The following MTCH2 variants were observed in gnomAD, a reference collection of about 807,000 sequenced individuals.
MTCH2 encodes mitochondrial carrier 2.
In MTCH2, 25 loss-of-function variants were observed where a neutral mutation model predicts 50.6. The observed-to-expected ratio is 0.49, with a 90% CI of 0.36 to 0.69. The LOEUF is 0.69. Among genes scored for constraint, MTCH2 ranks in the 30% least tolerant of loss-of-function variants. The pLI, the probability that MTCH2 is intolerant of heterozygous loss-of-function variation, is 0.00. For synonymous variants in MTCH2, 106 were observed against 132.0 expected, an observed-to-expected ratio of 0.80 and a Z score of 1.35; for missense variants, 273 against 384.4, an observed-to-expected ratio of 0.71 and a Z score of 2.42.
intron 11 of MTCH2, among the ~76,000 whole-genome samples, chr11:47,622,983 T>TAAAC (rs1221070804): frequency 1.3e-5 from 2 of 152,174 alleles, no homozygotes; most frequent in Non-Finnish European, 2.9e-5. Flanking sequence ...AATAAATAAA[T>TAAAC]AAACATAAAC....
intron 11 of MTCH2, among the ~76,000 whole-genome samples, chr11:47,623,375 T>A (rs865924619): frequency 0.036 from 4,366 of 122,442 alleles, 223 homozygotes; most frequent in African/African-American, 0.13. Context: ...CAGTCTTTTT[T>A]TAAAAAAAAA....
intron 12 of MTCH2, among the ~76,000 whole-genome samples, 189 bp from the exon 13 acceptor site, chr11:47,619,108 A>G (rs2097290869): frequency 6.6e-6 from 1 of 152,232 alleles, no homozygotes; most frequent in East Asian, 1.9e-4. Context: ...ATTTCTCCTT[A>G]TTAAGTTCTT....
At chr11:47,613,671 T>C (rs577070805), downstream of MTCH2, among the ~76,000 whole-genome samples, 1 of 152,344 alleles carries the variant, frequency 6.6e-6, no homozygotes, top group Admixed American at 6.5e-5. Context: ...GTTTCCGCTA[T>C]TTATAATTCT....
At chr11:47,630,821 A>G (rs907655790) in intron 7 of MTCH2, among the ~76,000 whole-genome samples, 8 of 152,188 alleles carry the variant, frequency 5.3e-5, no homozygotes, top group African/African-American at 1.7e-4. Context: ...ATATGGAGTC[A>G]GGGGCTCTGC....
At chr11:47,633,149 T>A (rs1377863511) in intron 5 of MTCH2, among the ~76,000 whole-genome samples, 2 of 135,958 alleles carry the variant, frequency 1.5e-5, no homozygotes, top group Non-Finnish European at 1.6e-5. Context: ...TCTCGCTGTC[T>A]CCCAGGCTGG....
chr11:47,623,477 A>G (rs998674803), intron 11 of MTCH2, among the ~76,000 whole-genome samples: 5 of 152,114 alleles, frequency 3.3e-5, no homozygotes, highest in Non-Finnish European at 5.9e-5. Flanking sequence ...CAGTAGATAT[A>G]TATGTTCCTA....
At position 47,631,678 on chromosome 11, in the gene MTCH2, T is replaced by A; in HGVS notation, c.403A>T (p.Thr135Ser). The A allele has an allele frequency of 6.2e-7, 1 of 1,613,906 alleles. No individual in the cohort carries two copies. Among genetic ancestry groups the A allele is most frequent in the Non-Finnish European group, 8.5e-7 (1 of 1,179,976 alleles). Residue 135 changes from threonine (T) to serine (S), a missense_variant, in exon 6 of 13, where the codon ACC becomes TCC. By Grantham distance (58) the Thr-to-Ser change is moderately conservative. Coordinates refer to ENST00000302503, the MANE Select transcript of MTCH2 (RefSeq NM_014342.4). ...CCATGGAAGGGATGTGTGATGAGGGTAGCAGCAGAACGAGCGATCATCTCT... is the reference window on the plus strand; with the variant it reads ...CCATGGAAGGGATGTGTGATGAGGGAAGCAGCAGAACGAGCGATCATCTCT... Reference protein sequence around the residue: ...TREMIARSAATLITHPFHVIT... With the variant: ...TREMIARSAASLITHPFHVIT...
chr11:47,614,037 G>T (rs2097286954), downstream of MTCH2, among the ~76,000 whole-genome samples: 1 of 151,806 alleles, frequency 6.6e-6, no homozygotes, highest in Admixed American at 6.6e-5. Context: ...AGTGAGCCGA[G>T]ATCAGCCACT....
intron 1 of MTCH2, among the ~76,000 whole-genome samples, chr11:47,640,130 A>C (rs1407483378): frequency 6.6e-6 from 1 of 151,988 alleles, no homozygotes; most frequent in African/African-American, 2.4e-5. Context: ...GGAGTTCAAG[A>C]CCAGCCTGGC....
At chr11:47,619,501 C>T (rs552284032) in intron 12 of MTCH2, among the ~76,000 whole-genome samples, 1 of 152,186 alleles carries the variant, frequency 6.6e-6, no homozygotes, top group African/African-American at 2.4e-5. Flanking sequence ...CCCAAAAGTG[C>T]AGGGATTACG....
intron 6 of MTCH2, among the ~76,000 whole-genome samples, 179 bp downstream of exon 6, chr11:47,631,475 A>G (rs976721925): frequency 6.6e-6 from 1 of 152,208 alleles, no homozygotes; most frequent in African/African-American, 2.4e-5. Flanking sequence ...CCTGGGAAAA[A>G]AAAAGATTTT....
At position 47,631,719 on chromosome 11, in the gene MTCH2, C is replaced by G; in HGVS notation, c.370-8G>C. On this transcript the variant is annotated splice_polypyrimidine_tract_variant and splice_region_variant and intron_variant, in intron 5 of 12. Coordinates refer to ENST00000302503, the MANE Select transcript of MTCH2 (RefSeq NM_014342.4). ...GATCATCTCTCGAGTTGTCTAGAAA[C>G]AATCAACACACACTTCTGAAATCTA... is the stretch of plus-strand genomic sequence containing the variant. 1 of 1,613,874 alleles carries G rather than the reference C, an allele frequency of 6.2e-7. No homozygotes were observed. Among genetic ancestry groups the G allele is most frequent in the Non-Finnish European group, 8.5e-7 (1 of 1,179,874 alleles).
At chr11:47,609,488 A>G in the MTCH2 span, among the ~76,000 whole-genome samples, 4 of 143,828 alleles carry the variant, frequency 2.8e-5, no homozygotes, top group East Asian at 6.1e-4. Context: ...AAAGCCAGGC[A>G]TCATGGCAGG....
intron 12 of MTCH2, 23 bp downstream of exon 12, chr11:47,622,678 G>A (rs556813811): frequency 1.3e-6 from 2 of 1,516,168 alleles, no homozygotes; most frequent in East Asian, 2.3e-5. Context: ...AATAAAATGA[G>A]AGAGACAGAG....
chr11:47,607,221 A>ATG, the MTCH2 span, among the ~76,000 whole-genome samples: 1 of 152,224 alleles, frequency 6.6e-6, no homozygotes, highest in Non-Finnish European at 1.5e-5. Flanking sequence ...GAGCTGACAT[A>ATG]TGTATGTACC....
rs138889379 is a variant in MTCH2 at position 47,635,247 on chromosome 11, T to A, written c.306+298A>T. Among the ~76,000 whole-genome samples, 4 of 152,150 alleles carry A rather than the reference T, an allele frequency of 2.6e-5. No individual in the cohort carries two copies. The East Asian group carries it at 5.8e-4, about 22-fold the overall frequency. ...GGTATGTGCCACCAGGCCCCGCTAA[T>A]CTTTGATTTTCTGTAGAGAAGGGGT... On this transcript the variant is annotated intron_variant, in intron 4 of 12. Coordinates refer to ENST00000302503, the MANE Select transcript of MTCH2 (RefSeq NM_014342.4).
chr11:47,620,123 CAAAA>C (rs2097291942), intron 12 of MTCH2, among the ~76,000 whole-genome samples: 1 of 151,004 alleles, frequency 6.6e-6, no homozygotes, highest in Non-Finnish European at 1.5e-5. Context: ...AAACAAAAAA[CAAAA>C]AACAGGGGTG....
intron 10 of MTCH2, 138 bp from the exon 11 acceptor site, chr11:47,625,879 A>G: frequency 5.2e-6 from 3 of 582,520 alleles, no homozygotes; most frequent in African/African-American, 1.9e-5. Context: ...TGGAAAGACA[A>G]CAGTTACAGT....
chr11:47,631,383 T>A (rs2097302903), intron 6 of MTCH2, among the ~76,000 whole-genome samples: 1 of 151,998 alleles, frequency 6.6e-6, no homozygotes, highest in African/African-American at 2.4e-5. Context: ...CACTCCAGCC[T>A]GGGCAACAAG....
Sources: gnomAD v4.1 joint callset for allele counts (sites outside exome capture counted in the v4.1 genomes callset) on GRCh38, gnomAD v4.1.1 for gene constraint, MANE v1.5 for transcripts, NCBI Gene and HGNC (gene_info 2026-07-23, HGNC 2026-07-21) for gene names.